Variants in MACROD2 observed in about 807,000 individuals in gnomAD.
MACROD2 encodes the protein ADP-ribose glycohydrolase MACROD2.
Under a neutral mutation model 70.4 loss-of-function variants are expected in MACROD2, and 36 were observed. The ratio of observed to expected loss-of-function variants is 0.51; its 90% CI spans 0.39 to 0.68. The LOEUF (loss-of-function observed/expected upper bound fraction) is 0.68. Among genes scored for constraint, MACROD2 ranks in the 30% least tolerant of loss-of-function variants. MACROD2 has a pLI of 0.00. For missense variants in MACROD2, 496 were observed against 538.4 expected (o/e 0.92, Z 0.78); for synonymous variants, 172 against 178.8 (o/e 0.96, Z 0.30).
intron 8 of MACROD2, among the ~76,000 whole-genome samples, chr20:15,769,584 A>G (rs1165512182): frequency 6.6e-6 from 1 of 152,134 alleles, no homozygotes; most frequent in Non-Finnish European, 1.5e-5. Context: ...AATAGTGCAC[A>G]TGAGTAGTTG....
At chr20:15,610,576 A>G (rs1175198046) in intron 8 of MACROD2, among the ~76,000 whole-genome samples, 1 of 152,166 alleles carries the variant, frequency 6.6e-6, no homozygotes, top group Non-Finnish European at 1.5e-5. Flanking sequence ...AGGATGATCT[A>G]TCTTAGCATA....
At chr20:15,135,301 T>G (rs1477840994) in intron 5 of MACROD2, among the ~76,000 whole-genome samples, 1 of 151,558 alleles carries the variant, frequency 6.6e-6, no homozygotes, top group Non-Finnish European at 1.5e-5. Flanking sequence ...TGAACATTGA[T>G]GCAAAAATCC....
intron 5 of MACROD2, among the ~76,000 whole-genome samples, chr20:14,743,958 A>G (rs1298299942): frequency 6.6e-6 from 1 of 152,172 alleles, no homozygotes; most frequent in African/African-American, 2.4e-5. Flanking sequence ...TAGGGGCCAC[A>G]AGCCAAGAAA....
intron 4 of MACROD2, among the ~76,000 whole-genome samples, chr20:14,601,610 A>G (rs1469841337): frequency 6.6e-6 from 1 of 152,150 alleles, no homozygotes; most frequent in Non-Finnish European, 1.5e-5. Flanking sequence ...TATTATATTC[A>G]TGTTCATGCC....
intron 6 of MACROD2, among the ~76,000 whole-genome samples, chr20:15,258,501 AGTATTCAG>A (rs1346704742): frequency 6.6e-6 from 1 of 152,118 alleles, no homozygotes; most frequent in African/African-American, 2.4e-5. Context: ...AATTGTCTGC[AGTATTCAG>A]GAAAGTAACA....
At chr20:14,017,154 AGT>A (rs1265654520) in intron 2 of MACROD2, among the ~76,000 whole-genome samples, 1 of 152,132 alleles carries the variant, frequency 6.6e-6, no homozygotes, top group African/African-American at 2.4e-5. Flanking sequence ...GTTCATTGCA[AGT>A]GTACAGAAAT....
At chr20:15,133,674 A>G (rs1403705933) in intron 5 of MACROD2, among the ~76,000 whole-genome samples, 2 of 152,260 alleles carry the variant, frequency 1.3e-5, no homozygotes, top group Non-Finnish European at 2.9e-5. Context: ...ACCCTCAGCA[A>G]ATACTTGGAG....
chr20:15,856,775 A>G lies in MACROD2; in HGVS notation c.646-5970A>G, dbSNP rs573164921. ...TGTATTATTTTCTATTACATTTTAG[A>G]CTAGGGAATCATCTGAGTTTATTGA... is the stretch of plus-strand genomic sequence containing the variant. On this transcript the variant is annotated intron_variant, in intron 8 of 17. Coordinates refer to ENST00000684519, the MANE Select transcript of MACROD2 (RefSeq NM_001351661.2). Among the ~76,000 whole-genome samples, 3 of 152,306 alleles carry G rather than the reference A, an allele frequency of 2.0e-5. No homozygotes were observed. In the East Asian group the frequency reaches 5.8e-4, roughly 29 times the overall value.
intron 10 of MACROD2, among the ~76,000 whole-genome samples, chr20:15,891,246 G>A (rs912697526): frequency 2.1e-4 from 32 of 152,242 alleles, no homozygotes; most frequent in African/African-American, 6.7e-4. Context: ...CAGGTGCAAA[G>A]GTTCTGAGGC....
chr20:14,800,777 T>C (rs2072565732), intron 5 of MACROD2, among the ~76,000 whole-genome samples: 1 of 152,144 alleles, frequency 6.6e-6, no homozygotes, highest in South Asian at 2.1e-4. Flanking sequence ...GCCATGGGTA[T>C]AGTTACCACT....
chr20:15,615,012 G>C (rs1410188491), intron 8 of MACROD2, among the ~76,000 whole-genome samples: 2 of 152,174 alleles, frequency 1.3e-5, no homozygotes, highest in African/African-American at 4.8e-5. Flanking sequence ...GGTGTGTGCA[G>C]GGTATGGGGA....
At chr20:15,648,261 T>C (rs1436870388) in intron 8 of MACROD2, among the ~76,000 whole-genome samples, 1 of 152,208 alleles carries the variant, frequency 6.6e-6, no homozygotes, top group Non-Finnish European at 1.5e-5. Flanking sequence ...GGGCTGGTGA[T>C]AGATTGGCCA....
At chr20:14,050,980 T>C (rs1208389540) in intron 2 of MACROD2, among the ~76,000 whole-genome samples, 1 of 152,176 alleles carries the variant, frequency 6.6e-6, no homozygotes, top group African/African-American at 2.4e-5. Flanking sequence ...CAATACCTAA[T>C]GCCGTGGCGT....
Position 15,664,657 on chromosome 20 carries a change from G to A in MACROD2, c.645+164810G>A, listed in dbSNP as rs148018052. ...TTGTGCTCAGGTCTGATCCTCATATGCTTGGTCTGGAACCTCAGGCTGAGG... is the reference window on the plus strand; with the variant it reads ...TTGTGCTCAGGTCTGATCCTCATATACTTGGTCTGGAACCTCAGGCTGAGG... On this transcript the variant is annotated intron_variant, in intron 8 of 17. Coordinates refer to ENST00000684519, the MANE Select transcript of MACROD2 (RefSeq NM_001351661.2). 3.5e-3 allele frequency among the ~76,000 whole-genome samples: 530 copies of A among 152,262 alleles called. 3 individuals are homozygous for A. Among genetic ancestry groups the A allele is most frequent in the Middle Eastern group, 0.024 (7 of 294 alleles).
Position 14,002,297 on chromosome 20 carries a change from T to C in MACROD2, c.56T>C (p.Leu19Ser). ...GCTTTTATTTTGCAAGAACGTTTAT[T>C]GAAGATGACCTTAGAAGAGAGACGC... is the stretch of plus-strand genomic sequence containing the variant. ...KVWREEKERL[L>S]KMTLEERRKE... Residue 19 changes from leucine (L) to serine (S), a missense_variant, in exon 2 of 18, where the codon TTG becomes TCG. Physicochemically the swap from Leu to Ser is moderately radical, Grantham distance 145. Coordinates refer to ENST00000684519, the MANE Select transcript of MACROD2 (RefSeq NM_001351661.2). 2 of 1,588,258 alleles carry C rather than the reference T, an allele frequency of 1.3e-6. No individual in the cohort carries two copies. Among genetic ancestry groups the C allele is most frequent in the Non-Finnish European group, 1.7e-6 (2 of 1,169,326 alleles).
In MACROD2 at chr20:14,249,389, A is replaced by G. The variant is rs117409197; in HGVS notation, c.271+163661A>G. Among the ~76,000 whole-genome samples, 802 of 152,038 alleles carry G rather than the reference A, an allele frequency of 5.3e-3. 3 individuals carry two copies. The highest frequency in any genetic ancestry group is 9.3e-3 in the Non-Finnish European group (635 of 67,998). On this transcript the variant is annotated intron_variant, in intron 3 of 17. Transcript: ENST00000684519. ...ATAGTAGCATGAATCTCAGTTGTGT[A>G]TATTTTGACAAGAAATAGGAAGGGG...
At chr20:15,415,384 A>G (rs2046132744) in intron 6 of MACROD2, among the ~76,000 whole-genome samples, 1 of 152,176 alleles carries the variant, frequency 6.6e-6, no homozygotes, top group South Asian at 2.1e-4. Flanking sequence ...ACATTAAGTG[A>G]TGTTTGTTAC....
intron 5 of MACROD2, among the ~76,000 whole-genome samples, chr20:15,193,324 C>G (rs2076584109): frequency 6.6e-6 from 1 of 152,016 alleles, no homozygotes; most frequent in African/African-American, 2.4e-5. Flanking sequence ...TCTGCTTGAA[C>G]TGTAGTATAG....
chr20:14,940,412 T>G (rs2074380323), intron 5 of MACROD2, among the ~76,000 whole-genome samples: 1 of 152,184 alleles, frequency 6.6e-6, no homozygotes, highest in Non-Finnish European at 1.5e-5. Context: ...GCCCAAGTGC[T>G]TTGGCCATGA....
Sources: gnomAD v4.1 joint callset for allele counts (sites outside exome capture counted in the v4.1 genomes callset) on GRCh38, gnomAD v4.1.1 for gene constraint, MANE v1.5 for transcripts, NCBI Gene and HGNC (gene_info 2026-07-23, HGNC 2026-07-21) for gene names.